The following EMC10 variants were observed in gnomAD, a reference collection of about 807,000 sequenced individuals.
EMC10 encodes UPF0510 protein INM02.
EMC10 carries 40 observed loss-of-function variants against 32.2 expected under a neutral mutation model. That is an observed-to-expected ratio of 1.24 (90% CI 0.96 to 1.61). EMC10 has a LOEUF of 1.61. Among genes scored for constraint, EMC10 ranks in the 40% most tolerant of loss-of-function variants. The pLI is 0.00. For missense variants in EMC10, 402 were observed against 357.7 expected, an observed-to-expected ratio of 1.12 and a Z score of -1.00; for synonymous variants, 178 against 158.4, an observed-to-expected ratio of 1.12 and a Z score of -0.93.
Position 50,480,479 on chromosome 19 carries a change from T to A in EMC10, c.403-102T>A. The A allele has an allele frequency of 1.1e-5, 15 of 1,396,574 alleles. No individual in the cohort carries two copies. Among genetic ancestry groups the A allele is most frequent in the Non-Finnish European group, 1.4e-5 (15 of 1,035,620 alleles). The allele number at this position is 1,396,574 out of a possible 1,614,324, so 86.5% of individuals were successfully genotyped here. On this transcript the variant is annotated intron_variant, in intron 4 of 6. Transcript: ENST00000334976. The surrounding 1 kb of genome is among the most constrained non-coding windows in gnomAD (Gnocchi z 4.4). ...GGGTAACAGGGAGCCATGGGAAGGT[T>A]TTGAAAAATGCTCCGGGGGTCCTGT...
At position 50,484,359 on chromosome 19, in the gene EMC10, T is replaced by TG. The variant is rs2040367050; in HGVS notation, c.*2102dup. ...TGCTTTTTGGGAAGTGTTCCCAACT[T>TG]GGAGTCCTGGTCCCTGTGTCTGATC... On this transcript the variant is annotated 3_prime_UTR_variant, in exon 7 of 7. Transcript: ENST00000334976. The TG allele has an allele frequency of 6.6e-6, 1 of 152,220 alleles. No homozygotes were observed. The highest frequency in any genetic ancestry group is 2.4e-5 in the African/African-American group (1 of 41,446). The allele number at this position is 152,220 out of a possible 1,614,324, so 9.4% of individuals were successfully genotyped here. A position where few individuals can be genotyped will look rare whatever the true frequency, so the allele number is the denominator to read the frequency against.
rs1978558581 is a variant in EMC10, at chr19:50,490,071, C to G, written c.*7812C>G. The G allele has an allele frequency of 6.7e-6, 1 of 150,324 alleles. No individual in the cohort carries two copies. Among genetic ancestry groups the G allele is most frequent in the African/African-American group, 2.5e-5 (1 of 40,562 alleles). The allele number at this position is 150,324 out of a possible 1,614,324, so 9.3% of individuals were successfully genotyped here. A position where few individuals can be genotyped will look rare whatever the true frequency, so the allele number is the denominator to read the frequency against. ...AGGTCATTGCCCTCCCACCCCGCCC[C>G]CAACCCCATAACTGAAAACAAGTAG... On this transcript the variant is annotated 3_prime_UTR_variant, in exon 7 of 7. Coordinates refer to ENST00000334976, the MANE Select transcript of EMC10 (RefSeq NM_206538.4).
At chr19:50,482,036 C>A in intron 6 of EMC10, 113 bp from the exon 7 acceptor site, 1 of 1,519,892 alleles carries the variant, frequency 6.6e-7, no homozygotes, top group Admixed American at 1.7e-5. Flanking sequence ...CCTCCCCTTA[C>A]GCGACCTCCC....
Position 50,476,598 on chromosome 19 carries a change from G to T in EMC10, c.54G>T (p.Ala18=). The T allele has an allele frequency of 1.3e-6, 2 of 1,570,770 alleles. No homozygotes were observed. The highest frequency in any genetic ancestry group is 8.6e-7 in the Non-Finnish European group (1 of 1,164,000). ...ATRLLLLLLM[A]VAAPSRARGS... The stretch of plus-strand genomic sequence containing the variant: ...GGCTGCTCCTGCTCTTGCTGATGGC[G>T]GTAGCAGCGCCCAGTCGAGCCCGGG... The change falls in exon 1 of 7, where the codon GCG becomes GCT. Residue 18 remains alanine (A), a synonymous_variant. Transcript: ENST00000334976.
In EMC10 at chr19:50,486,537, CTAAT is replaced by C. The variant is rs1433052132; in HGVS notation, c.*4281_*4284del. 3.9e-5 allele frequency: 6 copies of C among 152,088 alleles called. No individual in the cohort carries two copies. The highest frequency in any genetic ancestry group is 1.3e-4 in the Admixed American group (2 of 15,250). 9.4% of individuals were successfully genotyped at this position (152,088 alleles called of 1,614,324 possible). ...GAGACTCCCTGGTAAGGATTAGGGGCTAATTACTGGTGCCTCTTCAGCTGTCAGT... is the reference window on the plus strand; with the variant it reads ...GAGACTCCCTGGTAAGGATTAGGGGCTACTGGTGCCTCTTCAGCTGTCAGT... On this transcript the variant is annotated 3_prime_UTR_variant, in exon 7 of 7. Coordinates refer to ENST00000334976, the MANE Select transcript of EMC10 (RefSeq NM_206538.4).
intron 6 of EMC10, 184 bp from the exon 7 acceptor site, chr19:50,481,965 T>A: frequency 1.2e-6 from 2 of 1,606,768 alleles, no homozygotes; most frequent in South Asian, 2.2e-5. Context: ...CCGAGACCCC[T>A]GCCCCTCCCT....
intron 6 of EMC10, chr19:50,481,925 C>G: frequency 6.2e-7 from 1 of 1,605,428 alleles, no homozygotes; most frequent in Non-Finnish European, 8.5e-7. Flanking sequence ...CCAGGGCCCG[C>G]GCCACCGCCA....
Position 50,484,476 on chromosome 19 carries a change from C to T in EMC10, c.*2217C>T, listed in dbSNP as rs1414635879. On this transcript the variant is annotated 3_prime_UTR_variant, in exon 7 of 7. Transcript: ENST00000334976. ...TTATAAACCTGATTATGTCCTTTCC[C>T]TCTAAGTCTCGGTTGCTTTCAGGCT... 1 of 152,126 alleles carries T rather than the reference C, an allele frequency of 6.6e-6. No homozygotes were observed. Among genetic ancestry groups the T allele is most frequent in the East Asian group, 1.9e-4 (1 of 5,196 alleles). 9.4% of individuals were successfully genotyped at this position (152,126 alleles called of 1,614,324 possible). A position where few individuals can be genotyped will look rare whatever the true frequency, so the allele number is the denominator to read the frequency against.
At chr19:50,481,879 G>A (rs571186845) in intron 6 of EMC10, 4 of 1,589,312 alleles carry the variant, frequency 2.5e-6, no homozygotes, top group South Asian at 2.3e-5. Context: ...CATCCTGGGG[G>A]GGGCCGTGTT....
In EMC10 at chr19:50,478,979, G is replaced by A. The variant is rs1196072037; in HGVS notation, c.210G>A (p.Lys70=). The part of the protein sequence containing the change: ...FEIDDSANFR[K]RGSLLWNQQD... ...CAGATGACAGTGCCAACTTCCGGAA[G>A]CGGGGCTCACTGCTCTGGAACCAGC... Residue 70 remains lysine (K), a synonymous_variant, in exon 3 of 7, where the codon AAG becomes AAA. Transcript: ENST00000334976. 1.2e-6 allele frequency: 2 copies of A among 1,610,568 alleles called. No individual in the cohort carries two copies. Among genetic ancestry groups the A allele is most frequent in the Non-Finnish European group, 1.7e-6 (2 of 1,179,084 alleles).
chr19:50,482,035 AC>A, intron 6 of EMC10, 113 bp from the exon 7 acceptor site: 1 of 1,513,966 alleles, frequency 6.6e-7, no homozygotes, highest in Non-Finnish European at 9.2e-7. Context: ...CCCTCCCCTT[AC>A]GCGACCTCCC....
chr19:50,482,008 C>T (rs910630950), intron 6 of EMC10, 141 bp from the exon 7 acceptor site: 115 of 1,592,690 alleles, frequency 7.2e-5, no homozygotes, highest in African/African-American at 2.4e-4. Context: ...CCTGTAGTGA[C>T]GTAGGGGACC....
intron 1 of EMC10, 49 bp from the exon 2 acceptor site, chr19:50,477,880 G>T (rs2040253421): frequency 6.6e-7 from 1 of 1,509,708 alleles, no homozygotes; most frequent in African/African-American, 1.4e-5. Flanking sequence ...TGACTACTAT[G>T]CTGAGGGCTT....
At position 50,489,063 on chromosome 19, in the gene EMC10, GGAAAAGA is replaced by G. The variant is rs1362183942; in HGVS notation, c.*6811_*6817del. 2 of 147,316 alleles carry G rather than the reference GGAAAAGA, an allele frequency of 1.4e-5. No individual in the cohort carries two copies. The highest frequency in any genetic ancestry group is 2.9e-5 in the Non-Finnish European group (2 of 67,950). The allele number at this position is 147,316 out of a possible 1,614,324, so 9.1% of individuals were successfully genotyped here. On this transcript the variant is annotated 3_prime_UTR_variant, in exon 7 of 7. Coordinates refer to ENST00000334976, the MANE Select transcript of EMC10 (RefSeq NM_206538.4). ...AGGGTAGGAGAGGGCTGGAGATAGG[GGAAAAGA>G]GAAAAGGAGGGTAGGAGAGGGCTGG...
chr19:50,480,574 C>A lies in EMC10; in HGVS notation c.403-7C>A. ...CCCCACCTCCACTGACCCCACTCCC[C>A]CCACAGTGCTCCCTGGTGGAGTCGC... On this transcript the variant is annotated splice_region_variant and splice_polypyrimidine_tract_variant and intron_variant, in intron 4 of 6. Coordinates refer to ENST00000334976, the MANE Select transcript of EMC10 (RefSeq NM_206538.4). The surrounding 1 kb of genome is among the most constrained non-coding windows in gnomAD (Gnocchi z 4.4). The A allele has an allele frequency of 6.4e-7, 1 of 1,551,812 alleles. No individual in the cohort carries two copies.
Position 50,480,809 on chromosome 19 carries a change from C to T in EMC10, c.584+47C>T. ...GGCGCTCTTGCCACCTGCCCCGGCC[C>T]TTCCTGGCGGCCTCAGGGTCTCCAG... On this transcript the variant is annotated intron_variant, in intron 5 of 6. Transcript: ENST00000334976. The surrounding 1 kb of genome is among the most constrained non-coding windows in gnomAD (Gnocchi z 4.4). 1.3e-6 allele frequency: 2 copies of T among 1,566,162 alleles called. No homozygotes were observed. The highest frequency in any genetic ancestry group is 2.4e-5 in the South Asian group (2 of 84,220).
chr19:50,483,284 A>T lies in EMC10; in HGVS notation c.*1025A>T. 1 of 378,580 alleles carries T rather than the reference A, an allele frequency of 2.6e-6. No individual in the cohort carries two copies. Among genetic ancestry groups the T allele is most frequent in the South Asian group, 2.0e-5 (1 of 51,228 alleles). The allele number at this position is 378,580 out of a possible 1,614,324, so 23.5% of individuals were successfully genotyped here. The stretch of plus-strand genomic sequence containing the variant: ...CCAAGGAATGGCTGTCCCCATCCTC[A>T]TGTGGCTGTGTGGAGCTCAGCTGTG... On this transcript the variant is annotated 3_prime_UTR_variant, in exon 7 of 7. Transcript: ENST00000334976.
chr19:50,480,828 T>C lies in EMC10; in HGVS notation c.585-56T>C. The C allele has an allele frequency of 6.4e-7, 1 of 1,564,206 alleles. No individual in the cohort carries two copies. Among genetic ancestry groups the C allele is most frequent in the Non-Finnish European group, 8.7e-7 (1 of 1,151,380 alleles). On this transcript the variant is annotated intron_variant, in intron 5 of 6. Coordinates refer to ENST00000334976, the MANE Select transcript of EMC10 (RefSeq NM_206538.4). This position sits in a 1 kb window ranked among gnomAD's most constrained non-coding sequence, Gnocchi z 4.4. The stretch of plus-strand genomic sequence containing the variant: ...CCGGCCCTTCCTGGCGGCCTCAGGG[T>C]CTCCAGGTCCCTGGACTCCGGGCCT...
chr19:50,482,148 G>T lies in EMC10; in HGVS notation c.679-1G>T. 5 of 1,589,960 alleles carry T rather than the reference G, an allele frequency of 3.1e-6. No individual in the cohort carries two copies. Among genetic ancestry groups the T allele is most frequent in the Non-Finnish European group, 4.3e-6 (5 of 1,158,528 alleles). The stretch of plus-strand genomic sequence containing the variant: ...CTGTCCATCCTTCCGTCCGGCTGCA[G>T]TGGATGTACATCATTCCCGTCGTCC... On this transcript the variant is annotated splice_acceptor_variant, in intron 6 of 6. Coordinates refer to ENST00000334976, the MANE Select transcript of EMC10 (RefSeq NM_206538.4). LOFTEE classifies it high-confidence loss of function.
Sources: allele counts gnomAD v4.1 joint callset, GRCh38; gene constraint gnomAD v4.1.1; non-coding constraint Gnocchi (gnomAD v3.1); transcripts MANE v1.5; gene names NCBI Gene and HGNC (gene_info 2026-07-23, HGNC 2026-07-21).